TP63: variants seen among roughly 807,000 people sequenced by gnomAD.
TP63 encodes the protein tumor protein 63.
TP63 carries 17 observed loss-of-function variants against 82.8 expected under a neutral mutation model. The ratio of observed to expected loss-of-function variants is 0.21; its 90% CI spans 0.14 to 0.31. The LOEUF (loss-of-function observed/expected upper bound fraction) is 0.31. Ranked by LOEUF, TP63 falls within the 10% of genes least tolerant of loss-of-function variation. TP63 has a pLI of 1.00. For synonymous variants in TP63, 330 were observed against 321.7 expected (o/e 1.03, Z -0.28); for missense variants, 648 against 895.3 (o/e 0.72, Z 3.52).
chr3:189,645,959 A>G lies in TP63; in HGVS notation c.62+14382A>G, dbSNP rs1052779735. On this transcript the variant is annotated intron_variant, in intron 1 of 13. Coordinates refer to ENST00000264731, the MANE Select transcript of TP63 (RefSeq NM_003722.5). ...TTGTGAATTGTGTTACTATAAACATATGTATACAAGTGTCTTTTTCATATA... is the reference window on the plus strand; with the variant it reads ...TTGTGAATTGTGTTACTATAAACATGTGTATACAAGTGTCTTTTTCATATA... 1.4e-5 allele frequency among the ~76,000 whole-genome samples: 2 copies of G among 147,344 alleles called. 1 individual carries two copies. The highest frequency in any genetic ancestry group is 4.4e-4 in the South Asian group (2 of 4,506).
chr3:189,638,937 T>G (rs10513839), intron 1 of TP63, among the ~76,000 whole-genome samples: 7,658 of 152,120 alleles, frequency 0.05, 201 homozygotes, highest in Middle Eastern at 0.068. Flanking sequence ...TACATGCTCA[T>G]AAAAAGGTAA....
intron 1 of TP63, among the ~76,000 whole-genome samples, chr3:189,677,646 A>G (rs1014393066): frequency 2.0e-5 from 3 of 151,608 alleles, no homozygotes; most frequent in African/African-American, 7.3e-5. Context: ...TGGTAGTTCT[A>G]TGTTTTCTTC....
chr3:189,646,797 C>T (rs149372162), intron 1 of TP63, among the ~76,000 whole-genome samples: 7 of 147,448 alleles, frequency 4.7e-5, no homozygotes, highest in Non-Finnish European at 8.9e-5. Flanking sequence ...TGAGGCTACA[C>T]GTAGTTGCTG....
At chr3:189,714,020 C>T (rs1461429372) in intron 1 of TP63, among the ~76,000 whole-genome samples, 1 of 152,176 alleles carries the variant, frequency 6.6e-6, no homozygotes. Context: ...CTTAACACAT[C>T]TGAAACCTAA....
chr3:189,688,020 A>T (rs969981063), intron 1 of TP63, among the ~76,000 whole-genome samples: 3 of 151,882 alleles, frequency 2.0e-5, no homozygotes, highest in Non-Finnish European at 4.4e-5. Context: ...AACAGCTAGC[A>T]ACTTGCTCAT....
chr3:189,791,255 C>T (rs747020675), intron 3 of TP63, among the ~76,000 whole-genome samples: 7 of 151,976 alleles, frequency 4.6e-5, no homozygotes, highest in Admixed American at 2.0e-4. Context: ...ATTTATAAGC[C>T]GCCTAGGATC....
chr3:189,745,484 A>G (rs1348708600), intron 3 of TP63, among the ~76,000 whole-genome samples: 1 of 151,950 alleles, frequency 6.6e-6, no homozygotes, highest in East Asian at 1.9e-4. Context: ...TGAGGCGGGC[A>G]GATCACAAGG....
chr3:189,734,293 T>C (rs1720413631), intron 1 of TP63, among the ~76,000 whole-genome samples: 1 of 151,252 alleles, frequency 6.6e-6, no homozygotes, highest in Non-Finnish European at 1.5e-5. Flanking sequence ...TGCCTCAGCC[T>C]CTCGAATAGC....
the TP63 span, among the ~76,000 whole-genome samples, chr3:189,623,104 C>G: frequency 6.6e-6 from 1 of 152,058 alleles, no homozygotes; most frequent in African/African-American, 2.4e-5. Flanking sequence ...GAAGCTACAC[C>G]CCCAAAAGAA....
chr3:189,853,717 T>C (rs1715937082), intron 4 of TP63, among the ~76,000 whole-genome samples: 1 of 152,186 alleles, frequency 6.6e-6, no homozygotes, highest in Admixed American at 6.5e-5. Context: ...TAGTTATTTG[T>C]TTATTCTAGA....
intron 1 of TP63, among the ~76,000 whole-genome samples, chr3:189,672,469 G>A (rs1560099763): frequency 6.6e-6 from 1 of 152,044 alleles, no homozygotes; most frequent in Non-Finnish European, 1.5e-5. Context: ...GATCATAGTG[G>A]CACATGACTG....
At chr3:189,734,467 A>T (rs1720426159) in intron 1 of TP63, among the ~76,000 whole-genome samples, 1 of 152,182 alleles carries the variant, frequency 6.6e-6, no homozygotes, top group Non-Finnish European at 1.5e-5. Flanking sequence ...GTGAAACAAC[A>T]GTAGTATTGT....
At chr3:189,802,583 G>A (rs1016080811) in intron 3 of TP63, among the ~76,000 whole-genome samples, 6 of 152,156 alleles carry the variant, frequency 3.9e-5, no homozygotes, top group African/African-American at 1.2e-4. Flanking sequence ...GTAAACTAAG[G>A]TCCACAAGTT....
At chr3:189,880,442 G>T in intron 10 of TP63, 3 of 1,071,762 alleles carry the variant, frequency 2.8e-6, no homozygotes, top group Non-Finnish European at 3.4e-6. Flanking sequence ...CACTGTGTTT[G>T]TCTGTGAGCT....
At chr3:189,613,031 T>C in the TP63 span, among the ~76,000 whole-genome samples, 17 of 152,114 alleles carry the variant, frequency 1.1e-4, no homozygotes, top group African/African-American at 2.9e-4. Context: ...TTCCTGACTA[T>C]GTGATAGAAA....
intron 11 of TP63, 63 bp from the exon 12 acceptor site, chr3:189,889,272 ATGGAC>A: frequency 6.2e-7 from 1 of 1,612,208 alleles, no homozygotes; most frequent in Non-Finnish European, 8.5e-7. Context: ...ACCAGACAAG[ATGGAC>A]CACTGGGATG....
intron 1 of TP63, among the ~76,000 whole-genome samples, chr3:189,659,967 T>C (rs1360476209): frequency 6.6e-6 from 1 of 151,954 alleles, no homozygotes; most frequent in African/African-American, 2.4e-5. Flanking sequence ...TTGCCATATA[T>C]ATAGTCTGTG....
At chr3:189,849,793 T>C (rs943232415) in intron 4 of TP63, among the ~76,000 whole-genome samples, 2 of 152,186 alleles carry the variant, frequency 1.3e-5, no homozygotes, top group African/African-American at 4.8e-5. Context: ...GCTGAATTAA[T>C]AAGCTTCACC....
intron 3 of TP63, among the ~76,000 whole-genome samples, chr3:189,749,245 A>C (rs1474504148): frequency 6.6e-6 from 1 of 152,166 alleles, no homozygotes; most frequent in East Asian, 1.9e-4. Context: ...TAATAGAACA[A>C]AGAAACACCT....
Sources: allele counts gnomAD v4.1 joint callset (sites outside exome capture counted in the v4.1 genomes callset), GRCh38; gene constraint gnomAD v4.1.1; transcripts MANE v1.5; gene names NCBI Gene and HGNC (gene_info 2026-07-23, HGNC 2026-07-21).